The following ZNF761 variants were observed in gnomAD, a reference collection of about 807,000 sequenced individuals.
The protein encoded by ZNF761 is zinc finger protein 761.
Under a neutral mutation model 59.9 loss-of-function variants are expected in ZNF761, and 43 were observed. The observed-to-expected ratio is 0.72, with a 90% CI of 0.56 to 0.92. The LOEUF is 0.92. ZNF761 is among the 40% of genes least tolerant of loss of function. The pLI is 0.00. For missense variants in ZNF761, 850 were observed against 906.1 expected (o/e 0.94, Z 0.79); for synonymous variants, 294 against 304.8 (o/e 0.96, Z 0.37).
At chr19:53,436,870 C>T (rs1354291661) in intron 1 of ZNF761, among the ~76,000 whole-genome samples, 4 of 152,122 alleles carry the variant, frequency 2.6e-5, no homozygotes, top group African/African-American at 4.8e-5. Context: ...CGGGGCAGTT[C>T]GCTAAAGTTT....
chr19:53,449,847 T>C, intron 4 of ZNF761: 2 of 1,234,566 alleles, frequency 1.6e-6, no homozygotes, highest in South Asian at 1.6e-5. Context: ...CCACCATGTT[T>C]GGGCAAATTT....
At chr19:53,440,483 A>G (rs2086086774) in intron 1 of ZNF761, among the ~76,000 whole-genome samples, 1 of 152,148 alleles carries the variant, frequency 6.6e-6, no homozygotes, top group African/African-American at 2.4e-5. Context: ...AAAAATTCCT[A>G]TCTATAAGGC....
At chr19:53,434,405 C>G (rs1386011447) in intron 1 of ZNF761, among the ~76,000 whole-genome samples, 1 of 152,090 alleles carries the variant, frequency 6.6e-6, no homozygotes, top group Non-Finnish European at 1.5e-5. Context: ...GTCCATTTTC[C>G]TGGCAACTGT....
chr19:53,446,769 A>G (rs758022324), intron 2 of ZNF761, among the ~76,000 whole-genome samples: 1 of 152,026 alleles, frequency 6.6e-6, no homozygotes, highest in African/African-American at 2.4e-5. Context: ...TCAGACTCCT[A>G]AGTAGCTTGG....
intron 1 of ZNF761, chr19:53,441,693 C>A (rs142044077): frequency 9.7e-6 from 5 of 517,158 alleles, no homozygotes; most frequent in Non-Finnish European, 1.8e-5. Context: ...GTGATCCACT[C>A]GCCTTGGCCT....
intron 1 of ZNF761, among the ~76,000 whole-genome samples, chr19:53,445,987 T>C (rs1409094738): frequency 6.6e-6 from 1 of 152,216 alleles, no homozygotes; most frequent in Non-Finnish European, 1.5e-5. Flanking sequence ...TTTGCTTTTC[T>C]GTTTTCCCAG....
At chr19:53,453,050 A>G (rs1248199394) in intron 4 of ZNF761, among the ~76,000 whole-genome samples, 1 of 152,234 alleles carries the variant, frequency 6.6e-6, no homozygotes, top group Admixed American at 6.5e-5. Flanking sequence ...ATTAAGGTCA[A>G]CAATGCACAG....
intron 4 of ZNF761, 172 bp downstream of exon 4, chr19:53,449,810 TC>T (rs936403713): frequency 7.1e-6 from 10 of 1,417,796 alleles, no homozygotes; most frequent in African/African-American, 4.4e-5. Flanking sequence ...CACCTCAGCC[TC>T]CCCCGGTAGC....
At chr19:53,449,373 G>A (rs2086194767) in intron 3 of ZNF761, 139 bp from the exon 4 acceptor site, 2 of 1,593,194 alleles carry the variant, frequency 1.3e-6, no homozygotes, top group Non-Finnish European at 1.7e-6. Context: ...AAGACAAAAT[G>A]CGGTGAAAAA....
chr19:53,442,941 A>G (rs1285600887), intron 1 of ZNF761: 2 of 333,012 alleles, frequency 6.0e-6, no homozygotes, highest in Non-Finnish European at 1.2e-5. Flanking sequence ...ATCAGCTCAC[A>G]TCATTTTTTT....
chr19:53,450,038 C>G (rs888415517), intron 4 of ZNF761: 6 of 424,150 alleles, frequency 1.4e-5, no homozygotes, highest in African/African-American at 6.2e-5. Context: ...GGCTTGGTGG[C>G]TCACGCCTGT....
intron 3 of ZNF761, among the ~76,000 whole-genome samples, chr19:53,448,765 T>C (rs2086187363): frequency 7.2e-6 from 1 of 139,178 alleles, no homozygotes; most frequent in Non-Finnish European, 1.5e-5. Context: ...CCTGCCACCA[T>C]GGCTAGCTAA....
chr19:53,455,875 T>A lies in ZNF761; in HGVS notation c.1368T>A (p.His456Gln). 1 of 1,613,774 alleles carries A rather than the reference T, an allele frequency of 6.2e-7. No homozygotes were observed. Among genetic ancestry groups the A allele is most frequent in the South Asian group, 1.1e-5 (1 of 91,064 alleles). The change falls in exon 5 of 5, where the codon CAT becomes CAA. Residue 456 changes from histidine to glutamine, a missense_variant. Transcript: ENST00000684525. Reference protein sequence around the residue: ...TFSRTSSLTCHRRRHTGEQPY... With the variant: ...TFSRTSSLTCQRRRHTGEQPY... ...GCCGGACATCATCCCTTACATGCCA[T>A]CGTAGACGTCATACTGGAGAGCAAC... is the stretch of plus-strand genomic sequence containing the variant.
At chr19:53,450,659 C>G (rs1204170120) in intron 4 of ZNF761, among the ~76,000 whole-genome samples, 1 of 152,152 alleles carries the variant, frequency 6.6e-6, no homozygotes, top group Admixed American at 6.5e-5. Context: ...GGCTACAGTT[C>G]AGTGGTACGA....
rs1209773017 is a variant in ZNF761, at chr19:53,447,416, C to T, written c.15+133C>T. The T allele has an allele frequency of 3.9e-6, 5 of 1,272,190 alleles. No homozygotes were observed. The African/African-American group carries it at 7.3e-5, about 19-fold the overall frequency. The allele number at this position is 1,272,190 out of a possible 1,614,324, so 78.8% of individuals were successfully genotyped here. On this transcript the variant is annotated intron_variant, in intron 3 of 4. Coordinates refer to ENST00000684525, the MANE Select transcript of ZNF761 (RefSeq NM_001289951.2). ...GCTCACATTCACCCATGCCTTCCCT[C>T]AGTCCCTCTTATCTCGCTTAGATTC...
At chr19:53,450,523 GTTC>G (rs1376762135) in intron 4 of ZNF761, among the ~76,000 whole-genome samples, 3 of 151,844 alleles carry the variant, frequency 2.0e-5, no homozygotes, top group Non-Finnish European at 4.4e-5. Flanking sequence ...GGTTTTTTTT[GTTC>G]TTCATTTCTC....
rs993712028 is a variant in ZNF761, at chr19:53,457,165, A to G, written c.*417A>G. ...GGTGTAGGGAAACTTTACTAAGGTA[A>G]TGATTGTCACAAAGTCTTCAGTAAT... is the stretch of plus-strand genomic sequence containing the variant. On this transcript the variant is annotated 3_prime_UTR_variant, in exon 5 of 5. Coordinates refer to ENST00000684525, the MANE Select transcript of ZNF761 (RefSeq NM_001289951.2). 80 of 511,380 alleles carry G rather than the reference A, an allele frequency of 1.6e-4. No individual in the cohort carries two copies. Among genetic ancestry groups the G allele is most frequent in the South Asian group, 1.2e-3 (76 of 63,690 alleles). 31.7% of individuals were successfully genotyped at this position (511,380 alleles called of 1,614,324 possible). A position where few individuals can be genotyped will look rare whatever the true frequency, so the allele number is the denominator to read the frequency against.
chr19:53,451,177 A>T (rs1185198040), intron 4 of ZNF761, among the ~76,000 whole-genome samples: 1 of 152,132 alleles, frequency 6.6e-6, no homozygotes, highest in Admixed American at 6.5e-5. Flanking sequence ...CACTTATAAC[A>T]GTTTATGTGT....
chr19:53,448,608 G>C (rs2086185864), intron 3 of ZNF761, among the ~76,000 whole-genome samples: 1 of 151,988 alleles, frequency 6.6e-6, no homozygotes, highest in Non-Finnish European at 1.5e-5. Flanking sequence ...GACTAATCTA[G>C]TTTTCATATA....
Sources: gnomAD v4.1 joint callset for allele counts (sites outside exome capture counted in the v4.1 genomes callset) on GRCh38, gnomAD v4.1.1 for gene constraint, MANE v1.5 for transcripts, NCBI Gene and HGNC (gene_info 2026-07-23, HGNC 2026-07-21) for gene names.